CLVS1: variants seen among roughly 807,000 people sequenced by gnomAD.
CLVS1 encodes clavesin 1.
In CLVS1, 10 loss-of-function variants were observed where a neutral mutation model predicts 33.1. The observed-to-expected ratio is 0.30, with a 90% CI of 0.19 to 0.51. The LOEUF (loss-of-function observed/expected upper bound fraction) is 0.51. Among genes scored for constraint, CLVS1 ranks in the 20% least tolerant of loss-of-function variants. CLVS1 has a pLI of 0.97. For synonymous variants in CLVS1, 163 were observed against 166.1 expected (o/e 0.98, Z 0.14); for missense variants, 343 against 433.4 (o/e 0.79, Z 1.85).
At chr8:60,980,199 G>A in the CLVS1 span, among the ~76,000 whole-genome samples, 8 of 152,186 alleles carry the variant, frequency 5.3e-5, no homozygotes, top group Admixed American at 5.2e-4. Flanking sequence ...CAAACAAACA[G>A]TCCTGTGTCC....
chr8:61,119,992 C>T (rs1208257351), intron 1 of CLVS1, among the ~76,000 whole-genome samples: 3 of 145,496 alleles, frequency 2.1e-5, no homozygotes, highest in Admixed American at 6.7e-5. Flanking sequence ...CCATTCTCCC[C>T]ATCACTTTCA....
intron 3 of CLVS1, among the ~76,000 whole-genome samples, chr8:61,402,345 G>C (rs770237655): frequency 6.6e-6 from 1 of 151,876 alleles, no homozygotes; most frequent in Non-Finnish European, 1.5e-5. Flanking sequence ...TGGAAATAAT[G>C]CTCTATGACA....
intron 3 of CLVS1, among the ~76,000 whole-genome samples, chr8:61,382,120 C>T (rs1585891121): frequency 1.3e-5 from 2 of 152,244 alleles, no homozygotes; most frequent in East Asian, 3.9e-4. Context: ...TCCAAAGTGC[C>T]ATATTCACTC....
chr8:61,495,106 C>G (rs1160950014), intron 5 of CLVS1, among the ~76,000 whole-genome samples: 1 of 152,130 alleles, frequency 6.6e-6, no homozygotes, highest in African/African-American at 2.4e-5. Flanking sequence ...TCATGTAGAT[C>G]CCAATTTGAC....
At chr8:61,000,461 G>A in the CLVS1 span, among the ~76,000 whole-genome samples, 2 of 152,168 alleles carry the variant, frequency 1.3e-5, no homozygotes, top group South Asian at 2.1e-4. Context: ...TGCTGCTGAC[G>A]GGTTCAAGGG....
In CLVS1 at chr8:61,499,927, C is replaced by CAT. The variant is rs1438020745; in HGVS notation, c.*386_*387dup. On this transcript the variant is annotated 3_prime_UTR_variant, in exon 6 of 6. Transcript: ENST00000325897. ...CTCTCCAGTTTTTGAAAATTAAGTG[C>CAT]ATTTCCAAGTAAATGTATCAGAGTT... is the stretch of plus-strand genomic sequence containing the variant. 1.2e-5 allele frequency: 2 copies of CAT among 172,784 alleles called. No individual in the cohort carries two copies. Among genetic ancestry groups the CAT allele is most frequent in the African/African-American group, 4.7e-5 (2 of 42,484 alleles). 10.7% of individuals were successfully genotyped at this position (172,784 alleles called of 1,614,324 possible).
intron 2 of CLVS1, among the ~76,000 whole-genome samples, chr8:61,184,673 C>T (rs571364888): frequency 6.6e-6 from 1 of 152,014 alleles, no homozygotes; most frequent in Admixed American, 6.6e-5. Context: ...TTCCCTGCAC[C>T]CCACCATCCC....
At chr8:61,425,991 C>T (rs1302716630) in intron 3 of CLVS1, among the ~76,000 whole-genome samples, 2 of 152,212 alleles carry the variant, frequency 1.3e-5, no homozygotes, top group African/African-American at 4.8e-5. Flanking sequence ...GCTGTAATTA[C>T]ACTCTTATAG....
chr8:61,060,030 GC>G (rs1804556480), intron 1 of CLVS1, among the ~76,000 whole-genome samples: 2 of 152,082 alleles, frequency 1.3e-5, no homozygotes, highest in African/African-American at 2.4e-5. Flanking sequence ...TGAGGACAGT[GC>G]CCTGGCGATT....
intron 1 of CLVS1, among the ~76,000 whole-genome samples, chr8:61,107,039 C>T (rs1012286094): frequency 4.6e-5 from 7 of 152,188 alleles, no homozygotes; most frequent in Admixed American, 4.6e-4. Flanking sequence ...AGCAGGTGAA[C>T]TGCCATTCTC....
At chr8:61,154,881 A>G (rs1186294185) in intron 2 of CLVS1, among the ~76,000 whole-genome samples, 4 of 152,182 alleles carry the variant, frequency 2.6e-5, no homozygotes, top group Non-Finnish European at 5.9e-5. Flanking sequence ...GAGGGAAGAA[A>G]AAGAATGTGA....
At chr8:61,304,219 G>A (rs16927168) in intron 2 of CLVS1, among the ~76,000 whole-genome samples, 2,146 of 152,310 alleles carry the variant, frequency 0.014, 63 homozygotes, top group African/African-American at 0.05. Context: ...TTAAGACAGT[G>A]TAAATCTCAT....
chr8:61,029,606 A>AT, the CLVS1 span, among the ~76,000 whole-genome samples: 3 of 150,944 alleles, frequency 2.0e-5, no homozygotes, highest in African/African-American at 4.9e-5. Flanking sequence ...TTTTTTATTA[A>AT]TTTTTTTATT....
At chr8:61,149,562 A>AC (rs1338707571) in intron 2 of CLVS1, among the ~76,000 whole-genome samples, 5 of 149,916 alleles carry the variant, frequency 3.3e-5, no homozygotes, top group South Asian at 2.1e-4. Context: ...AAAAAAAAAA[A>AC]AAAAAACAAA....
intron 2 of CLVS1, among the ~76,000 whole-genome samples, chr8:61,233,464 G>C (rs959275297): frequency 7.0e-6 from 1 of 143,330 alleles, no homozygotes; most frequent in African/African-American, 2.7e-5. Context: ...GAAAGAACCC[G>C]TAGCTTTTTG....
intron 1 of CLVS1, among the ~76,000 whole-genome samples, chr8:61,059,690 G>A (rs1804549268): frequency 3.3e-5 from 5 of 150,684 alleles, no homozygotes; most frequent in Admixed American, 3.3e-4. Flanking sequence ...GTGTGCCTCT[G>A]ATCCCAGCTA....
At chr8:61,250,084 A>AT (rs1051397740) in intron 2 of CLVS1, among the ~76,000 whole-genome samples, 6 of 151,680 alleles carry the variant, frequency 4.0e-5, no homozygotes, top group East Asian at 1.9e-4. Context: ...TCTTGGGTTG[A>AT]TTTTTTTGTA....
At chr8:60,988,461 G>A in the CLVS1 span, among the ~76,000 whole-genome samples, 3 of 151,906 alleles carry the variant, frequency 2.0e-5, no homozygotes, top group Admixed American at 6.6e-5. Context: ...CTGTGATGCC[G>A]GTGACCTTTG....
chr8:61,193,006 C>T (rs182495113), intron 2 of CLVS1, among the ~76,000 whole-genome samples: 1 of 152,142 alleles, frequency 6.6e-6, no homozygotes, highest in Non-Finnish European at 1.5e-5. Flanking sequence ...TTGACCCAGC[C>T]ATCCTATTAC....
Sources: gnomAD v4.1 joint callset for allele counts (sites outside exome capture counted in the v4.1 genomes callset) on GRCh38, gnomAD v4.1.1 for gene constraint, MANE v1.5 for transcripts, NCBI Gene and HGNC (gene_info 2026-07-23, HGNC 2026-07-21) for gene names.